The following AUTS2 variants were observed in gnomAD, a reference collection of about 807,000 sequenced individuals.
AUTS2 encodes the protein activator of transcription and developmental regulator AUTS2, also known as autism susceptibility gene 2 protein.
AUTS2 carries 17 observed loss-of-function variants against 112.4 expected under a neutral mutation model. That is an observed-to-expected ratio of 0.15 (90% CI 0.10 to 0.23). The LOEUF is 0.23. Among genes scored for constraint, AUTS2 ranks in the 10% least tolerant of loss-of-function variants. AUTS2 has a pLI of 1.00. For missense variants in AUTS2, 1,510 were observed against 1,701.6 expected (o/e 0.89, Z 1.98); for synonymous variants, 751 against 702.7 (o/e 1.07, Z -1.09).
At chr7:69,626,381 T>TA (rs772921901) in intron 1 of AUTS2, among the ~76,000 whole-genome samples, 78 of 152,186 alleles carry the variant, frequency 5.1e-4, no homozygotes, top group Non-Finnish European at 1.1e-3. Context: ...ATGTTTTACT[T>TA]AAACCCCGCC....
chr7:70,035,437 A>C (rs1326962695), intron 2 of AUTS2, among the ~76,000 whole-genome samples: 1 of 152,230 alleles, frequency 6.6e-6, no homozygotes, highest in East Asian at 1.9e-4. Context: ...GATGCCTGAA[A>C]GAGGAGGAGT....
intron 4 of AUTS2, among the ~76,000 whole-genome samples, chr7:70,330,083 G>A (rs1241470581): frequency 6.6e-6 from 1 of 152,154 alleles, no homozygotes; most frequent in Non-Finnish European, 1.5e-5. Context: ...TATTGCATTG[G>A]AGATTAAATT....
intron 1 of AUTS2, among the ~76,000 whole-genome samples, chr7:69,642,951 T>A (rs115597316): frequency 6.6e-6 from 1 of 151,818 alleles, no homozygotes; most frequent in Non-Finnish European, 1.5e-5. Flanking sequence ...CACTTCTTAG[T>A]TGGGTCCTTT....
intron 1 of AUTS2, among the ~76,000 whole-genome samples, chr7:69,823,467 T>G (rs2129526601): frequency 1.3e-5 from 2 of 152,324 alleles, no homozygotes; most frequent in East Asian, 3.9e-4. Flanking sequence ...GATGAAAAGA[T>G]GCCTAAACAT....
chr7:70,789,989 G>A lies in AUTS2; in HGVS notation c.2773G>A (p.Glu925Lys), dbSNP rs765267651. 1.1e-5 allele frequency: 18 copies of A among 1,608,344 alleles called. No homozygotes were observed. Among genetic ancestry groups the A allele is most frequent in the Non-Finnish European group, 1.5e-5 (18 of 1,177,502 alleles). The change falls in exon 19 of 19, where the codon GAG (glutamate) becomes AAG (lysine). Residue 925 changes from glutamate to lysine, a missense_variant. By Grantham distance (56) the Glu-to-Lys change is moderately conservative. Coordinates refer to ENST00000342771, the MANE Select transcript of AUTS2 (RefSeq NM_015570.4). The stretch of plus-strand genomic sequence containing the variant: ...GCCCGAGAAGGACGGGCACGGCCAC[G>A]AGGGGCGCGCCGCGGGCGAAGAGGC... ...HLPEKDGHGH[E>K]GRAAGEEAKQ... is the part of the protein sequence containing the mutation.
chr7:70,521,510 G>A (rs1799644674), intron 5 of AUTS2, among the ~76,000 whole-genome samples: 1 of 152,140 alleles, frequency 6.6e-6, no homozygotes, highest in Non-Finnish European at 1.5e-5. Flanking sequence ...TTTTGATGAT[G>A]TTGATGGTTC....
intron 2 of AUTS2, among the ~76,000 whole-genome samples, chr7:70,054,239 A>C (rs1250660988): frequency 6.6e-6 from 1 of 152,180 alleles, no homozygotes; most frequent in African/African-American, 2.4e-5. Flanking sequence ...GGCATGCCAC[A>C]TGCTGTTTCT....
At chr7:69,670,210 G>A (rs1796252435) in intron 1 of AUTS2, among the ~76,000 whole-genome samples, 1 of 152,112 alleles carries the variant, frequency 6.6e-6, no homozygotes, top group South Asian at 2.1e-4. Flanking sequence ...ACCTTTTCAT[G>A]CACAGCATGA....
chr7:69,800,415 T>C (rs1790031438), intron 1 of AUTS2, among the ~76,000 whole-genome samples: 1 of 152,224 alleles, frequency 6.6e-6, no homozygotes, highest in Non-Finnish European at 1.5e-5. Flanking sequence ...GATCAACAGA[T>C]ACATCCCTGT....
chr7:70,700,956 A>C (rs1809425369), intron 6 of AUTS2, among the ~76,000 whole-genome samples: 1 of 152,258 alleles, frequency 6.6e-6, no homozygotes, highest in African/African-American at 2.4e-5. Flanking sequence ...ATCATAAGAA[A>C]GGGCAAATTT....
At chr7:70,348,797 C>T (rs1313112272) in intron 4 of AUTS2, among the ~76,000 whole-genome samples, 2 of 152,040 alleles carry the variant, frequency 1.3e-5, no homozygotes, top group Non-Finnish European at 2.9e-5. Context: ...GGCGACAGAG[C>T]GAGACTCCGT....
At chr7:70,461,583 T>C (rs1245547471) in intron 5 of AUTS2, among the ~76,000 whole-genome samples, 1 of 152,220 alleles carries the variant, frequency 6.6e-6, no homozygotes, top group Non-Finnish European at 1.5e-5. Flanking sequence ...CTAGTAATGA[T>C]CATAGTAATC....
At chr7:70,280,273 T>C (rs1788144735) in intron 4 of AUTS2, among the ~76,000 whole-genome samples, 1 of 151,108 alleles carries the variant, frequency 6.6e-6, no homozygotes, top group Non-Finnish European at 1.5e-5. Context: ...TTTTTTCTTT[T>C]TTCTTTCTTT....
intron 1 of AUTS2, among the ~76,000 whole-genome samples, chr7:69,785,415 C>T (rs974573616): frequency 2.6e-5 from 4 of 152,240 alleles, no homozygotes; most frequent in African/African-American, 7.2e-5. Context: ...GAGAGGCTCC[C>T]TCTCACTCAA....
chr7:70,154,228 G>T lies in AUTS2; in HGVS notation c.660+19657G>T, dbSNP rs1465780209. Reference sequence around the variant, plus strand: ...TACCTATGTCACTATGTCATTTCCTGAAGAAAAAAGTGTCCATCAGACAAG... The same window carrying T: ...TACCTATGTCACTATGTCATTTCCTTAAGAAAAAAGTGTCCATCAGACAAG... On this transcript the variant is annotated intron_variant, in intron 4 of 18. Transcript: ENST00000342771. Among the ~76,000 whole-genome samples the T allele has an allele frequency of 5.3e-5, 8 of 152,176 alleles. No homozygotes were observed. The East Asian group carries it at 1.5e-3, about 29-fold the overall frequency.
chr7:69,707,536 G>A (rs1016675304), intron 1 of AUTS2, among the ~76,000 whole-genome samples: 5 of 152,048 alleles, frequency 3.3e-5, no homozygotes, highest in African/African-American at 1.2e-4. Flanking sequence ...TGTAACTTTG[G>A]GCATGCCACT....
chr7:70,047,010 C>G (rs1801536169), intron 2 of AUTS2, among the ~76,000 whole-genome samples: 1 of 152,144 alleles, frequency 6.6e-6, no homozygotes, highest in South Asian at 2.1e-4. Context: ...AATTTGTAAT[C>G]TGGTTTAGAC....
chr7:70,568,978 A>G (rs1257058604), intron 5 of AUTS2, among the ~76,000 whole-genome samples: 1 of 152,196 alleles, frequency 6.6e-6, no homozygotes, highest in Non-Finnish European at 1.5e-5. Flanking sequence ...GGTACATACT[A>G]TAAAAATGTC....
chr7:70,208,054 A>G (rs1303932551), intron 4 of AUTS2, among the ~76,000 whole-genome samples: 1 of 149,722 alleles, frequency 6.7e-6, no homozygotes, highest in South Asian at 2.1e-4. Flanking sequence ...AATTATCTTT[A>G]TAATAGAAAA....
Sources: gnomAD v4.1 joint callset for allele counts (sites outside exome capture counted in the v4.1 genomes callset) on GRCh38, gnomAD v4.1.1 for gene constraint, MANE v1.5 for transcripts, NCBI Gene and HGNC (gene_info 2026-07-23, HGNC 2026-07-21) for gene names.